UBE2D1: variants seen among roughly 807,000 people sequenced by gnomAD.
UBE2D1 encodes the protein ubiquitin-conjugating enzyme E2 D1.
A neutral mutation model predicts 24.6 loss-of-function variants in UBE2D1; 9 were observed. The ratio of observed to expected loss-of-function variants is 0.37; its 90% CI spans 0.22 to 0.64. The LOEUF is 0.64. Among genes scored for constraint, UBE2D1 ranks in the 30% least tolerant of loss-of-function variants. The probability of loss-of-function intolerance (pLI) is 0.64; values close to 1 mark genes in which losing one functional copy is unlikely to be tolerated. For missense variants in UBE2D1, 87 were observed against 177.1 expected, an observed-to-expected ratio of 0.49 and a Z score of 2.89; for synonymous variants, 57 against 57.6, an observed-to-expected ratio of 0.99 and a Z score of 0.04.
intron 1 of UBE2D1, among the ~76,000 whole-genome samples, chr10:58,358,252 A>G (rs1445247662): frequency 1.3e-5 from 2 of 152,218 alleles, no homozygotes; most frequent in African/African-American, 4.8e-5. Context: ...TTAAAACTAC[A>G]GAGACTATCA....
rs779759263 is a variant in UBE2D1, at chr10:58,363,714, C to T, written c.198+28C>T. ...ATTTTTATTTTTATGATTGATGTGA[C>T]TCCCATGTAAGAGATTTTATTCTTT... On this transcript the variant is annotated intron_variant, in intron 4 of 6. Transcript: ENST00000373910. The T allele has an allele frequency of 6.7e-6, 10 of 1,492,388 alleles. No homozygotes were observed. The Admixed American group carries it at 1.6e-4, about 23-fold the overall frequency. The allele number at this position is 1,492,388 out of a possible 1,614,324, so 92.4% of individuals were successfully genotyped here.
intron 1 of UBE2D1, among the ~76,000 whole-genome samples, chr10:58,345,274 CA>C (rs1840003976): frequency 6.6e-6 from 1 of 151,866 alleles, no homozygotes; most frequent in African/African-American, 2.4e-5. Context: ...AGTTTGAGAC[CA>C]TCCTGGGCAA....
intron 1 of UBE2D1, among the ~76,000 whole-genome samples, chr10:58,359,769 T>A (rs777630144): frequency 5.9e-5 from 9 of 152,234 alleles, no homozygotes; most frequent in Non-Finnish European, 1.3e-4. Flanking sequence ...CTCTGAGGAT[T>A]GTTAGAATGA....
At chr10:58,367,523 A>G (rs1039581822) in intron 5 of UBE2D1, among the ~76,000 whole-genome samples, 1 of 152,194 alleles carries the variant, frequency 6.6e-6, no homozygotes, top group African/African-American at 2.4e-5. Context: ...TAGACAGACT[A>G]TAGCTCTAAG....
rs1242170328 is a variant in UBE2D1, at chr10:58,370,470, T to G, written c.*1705T>G. 3 of 152,554 alleles carry G rather than the reference T, an allele frequency of 2.0e-5. No individual in the cohort carries two copies. Among genetic ancestry groups the G allele is most frequent in the East Asian group, 3.8e-4 (2 of 5,280 alleles). 9.5% of individuals were successfully genotyped at this position (152,554 alleles called of 1,614,324 possible). A position where few individuals can be genotyped will look rare whatever the true frequency, so the allele number is the denominator to read the frequency against. The stretch of plus-strand genomic sequence containing the variant: ...TTAAATGAATTGTGAAATGGATGTT[T>G]AAGAAAATATAGGCTTAAAAAGTAA... On this transcript the variant is annotated 3_prime_UTR_variant, in exon 7 of 7. Coordinates refer to ENST00000373910, the MANE Select transcript of UBE2D1 (RefSeq NM_003338.5).
intron 3 of UBE2D1, among the ~76,000 whole-genome samples, chr10:58,361,773 C>T (rs577583965): frequency 2.6e-5 from 4 of 151,464 alleles, no homozygotes; most frequent in South Asian, 4.2e-4. Context: ...TGCCACAGCT[C>T]GCAACCAGGC....
At chr10:58,357,005 G>T (rs192508039) in intron 1 of UBE2D1, among the ~76,000 whole-genome samples, 1 of 152,232 alleles carries the variant, frequency 6.6e-6, no homozygotes, top group African/African-American at 2.4e-5. Flanking sequence ...TATTTATAGG[G>T]TGCATCTTAG....
rs1293289352 is a variant in UBE2D1 at position 58,369,714 on chromosome 10, C to T, written c.*949C>T. 2 of 151,916 alleles carry T rather than the reference C, an allele frequency of 1.3e-5. No individual in the cohort carries two copies. The highest frequency in any genetic ancestry group is 2.4e-5 in the African/African-American group (1 of 41,336). 9.4% of individuals were successfully genotyped at this position (151,916 alleles called of 1,614,324 possible). A position where few individuals can be genotyped will look rare whatever the true frequency, so the allele number is the denominator to read the frequency against. ...ATCTATTTTGTTTGCCATTAGTCAC[C>T]ATTAGTTATATAAATTTTATTGTTT... is the stretch of plus-strand genomic sequence containing the variant. On this transcript the variant is annotated 3_prime_UTR_variant, in exon 7 of 7. Transcript: ENST00000373910.
intron 5 of UBE2D1, among the ~76,000 whole-genome samples, chr10:58,365,501 G>T (rs927921738): frequency 6.6e-6 from 1 of 152,222 alleles, no homozygotes; most frequent in African/African-American, 2.4e-5. Context: ...CATATAGCAT[G>T]TTAGTCTAAA....
intron 4 of UBE2D1, 108 bp downstream of exon 4, chr10:58,363,794 G>A (rs1235193592): frequency 4.2e-6 from 3 of 722,154 alleles, no homozygotes; most frequent in Admixed American, 3.5e-5. Context: ...AGACTGTGGG[G>A]AGGTTAGCAT....
Position 58,335,086 on chromosome 10 carries a change from G to A in UBE2D1, c.-116G>A, listed in dbSNP as rs1352647135. On this transcript the variant is annotated 5_prime_UTR_variant, in exon 1 of 7. Transcript: ENST00000373910. ...AGCGAGCCAGGGAGCGGCTAACCGG[G>A]GACCCACCGCGCGGAGCCAGCCTAG... The A allele has an allele frequency of 4.3e-6, 5 of 1,151,262 alleles. No individual in the cohort carries two copies. The African/African-American group carries it at 6.4e-5, about 15-fold the overall frequency. The allele number at this position is 1,151,262 out of a possible 1,614,324, so 71.3% of individuals were successfully genotyped here.
chr10:58,344,456 C>A (rs1163233046), intron 1 of UBE2D1, among the ~76,000 whole-genome samples: 3 of 151,806 alleles, frequency 2.0e-5, no homozygotes, highest in African/African-American at 7.3e-5. Context: ...TACTTTCTGT[C>A]ATCTCTTCTG....
intron 1 of UBE2D1, among the ~76,000 whole-genome samples, chr10:58,342,287 C>T (rs1336578485): frequency 6.6e-6 from 1 of 152,104 alleles, no homozygotes; most frequent in East Asian, 1.9e-4. Context: ...TTCATATGGT[C>T]CCGTTTGTAT....
At position 58,352,283 on chromosome 10, in the gene UBE2D1, A is replaced by C. The variant is rs141665690; in HGVS notation, c.25-9055A>C. On this transcript the variant is annotated intron_variant, in intron 1 of 6. Coordinates refer to ENST00000373910, the MANE Select transcript of UBE2D1 (RefSeq NM_003338.5). ...TGATGATATGCTAAGTTAGGTTTAA[A>C]GGATATGTTTATTTCCTATGTGCAA... Among the ~76,000 whole-genome samples the C allele has an allele frequency of 2.7e-3, 411 of 152,192 alleles. 1 individual carries two copies. Among genetic ancestry groups the C allele is most frequent in the African/African-American group, 9.4e-3 (389 of 41,508 alleles).
chr10:58,367,302 AGT>A (rs34565317), intron 5 of UBE2D1, among the ~76,000 whole-genome samples: 37 of 149,184 alleles, frequency 2.5e-4, no homozygotes, highest in East Asian at 3.9e-4. Flanking sequence ...TTAGATCGTT[AGT>A]GTGTGTGTGT....
At chr10:58,368,693 T>A (rs1340188869) in intron 6 of UBE2D1, 27 bp from the exon 7 acceptor site, 2 of 1,506,756 alleles carry the variant, frequency 1.3e-6, no homozygotes, top group South Asian at 2.5e-5. Flanking sequence ...TGTATGTTTT[T>A]ACTATATCCT....
At position 58,368,036 on chromosome 10, in the gene UBE2D1, A is replaced by G; in HGVS notation, c.398+20A>G. 7 of 1,552,480 alleles carry G rather than the reference A, an allele frequency of 4.5e-6. No individual in the cohort carries two copies. Among genetic ancestry groups the G allele is most frequent in the Non-Finnish European group, 6.2e-6 (7 of 1,126,434 alleles). On this transcript the variant is annotated intron_variant, in intron 6 of 6. Transcript: ENST00000373910. Reference sequence around the variant, plus strand: ...AGAAAAGTAAGTGTTTACTTATTTTAGTTTCTGTATGGATACATTCCTATA... The same window carrying G: ...AGAAAAGTAAGTGTTTACTTATTTTGGTTTCTGTATGGATACATTCCTATA...
In UBE2D1 at chr10:58,335,059, G is replaced by C; in HGVS notation, c.-143G>C. ...GCACACGGAGCAGGGACCGGCGCCC[G>C]GAGCGAGCCAGGGAGCGGCTAACCG... On this transcript the variant is annotated 5_prime_UTR_variant, in exon 1 of 7. Transcript: ENST00000373910. 1.2e-6 allele frequency: 1 copy of C among 862,816 alleles called. No homozygotes were observed. The allele number at this position is 862,816 out of a possible 1,614,324, so 53.4% of individuals were successfully genotyped here.
At chr10:58,339,175 G>A (rs1011854161) in intron 1 of UBE2D1, among the ~76,000 whole-genome samples, 3 of 152,070 alleles carry the variant, frequency 2.0e-5, no homozygotes, top group African/African-American at 7.2e-5. Flanking sequence ...GCACAATCTC[G>A]GTTTTCTGTG....
Sources: gnomAD v4.1 joint callset for allele counts (sites outside exome capture counted in the v4.1 genomes callset) on GRCh38, gnomAD v4.1.1 for gene constraint, MANE v1.5 for transcripts, NCBI Gene and HGNC (gene_info 2026-07-23, HGNC 2026-07-21) for gene names.